FRMPD4: variants seen among roughly 807,000 people sequenced by gnomAD.
The protein encoded by FRMPD4 is FERM and PDZ domain containing 4.
A neutral mutation model predicts 94.1 loss-of-function variants in FRMPD4; 22 were observed. The observed-to-expected ratio is 0.23, with a 90% CI of 0.17 to 0.33. FRMPD4 has a LOEUF of 0.33. Among genes scored for constraint, FRMPD4 ranks in the 10% least tolerant of loss-of-function variants. The pLI is 1.00. For synonymous variants in FRMPD4, 631 were observed against 548.6 expected (o/e 1.15, Z -2.10); for missense variants, 1,111 against 1,339.9 (o/e 0.83, Z 2.67).
At chrX:12,629,068 A>T (rs1427737933) in intron 4 of FRMPD4, among the ~76,000 whole-genome samples, 1 of 112,063 alleles carries the variant, frequency 8.9e-6, no homozygotes, top group Admixed American at 9.5e-5. Context: ...AACTGCCCTC[A>T]TGATTCAATT....
chrX:12,051,342 A>G (rs768620838), intron 3 of FRMPD4, among the ~76,000 whole-genome samples: 41 of 111,819 alleles, frequency 3.7e-4, no homozygotes, highest in African/African-American at 1.3e-3. Flanking sequence ...CGGAAACATT[A>G]CTACATGAGG....
intron 1 of FRMPD4, among the ~76,000 whole-genome samples, chrX:12,393,731 A>G (rs911265934): frequency 8.9e-6 from 1 of 112,344 alleles, no homozygotes; most frequent in African/African-American, 3.2e-5. Context: ...GTCTCCAAAA[A>G]AATTGGGAAT....
chrX:12,583,974 C>G (rs2058896112), intron 2 of FRMPD4, among the ~76,000 whole-genome samples: 1 of 111,804 alleles, frequency 8.9e-6, no homozygotes, highest in Non-Finnish European at 1.9e-5. Flanking sequence ...CGTATCCCCT[C>G]GGCCCTAAGG....
At chrX:12,292,805 A>G (rs777302992) in intron 1 of FRMPD4, among the ~76,000 whole-genome samples, 13 of 111,537 alleles carry the variant, frequency 1.2e-4, no homozygotes, top group Non-Finnish European at 2.1e-4. Flanking sequence ...AAAATATTGA[A>G]TGATCTGTCA....
At chrX:12,640,204 C>A (rs1395512486) in intron 4 of FRMPD4, among the ~76,000 whole-genome samples, 1 of 101,833 alleles carries the variant, frequency 9.8e-6, no homozygotes, top group Non-Finnish European at 2.0e-5. Context: ...GAGGCTGAGG[C>A]ACGAGAATTG....
intron 1 of FRMPD4, among the ~76,000 whole-genome samples, chrX:12,384,591 G>A (rs1030326103): frequency 2.7e-5 from 3 of 111,787 alleles, no homozygotes; most frequent in Non-Finnish European, 3.8e-5. Context: ...CTGGCAGACC[G>A]CTGTATCCCT....
At chrX:12,465,278 T>A (rs946808302) in intron 1 of FRMPD4, among the ~76,000 whole-genome samples, 2 of 112,133 alleles carry the variant, frequency 1.8e-5, no homozygotes, top group Admixed American at 1.9e-4. Context: ...CATTTCTTTG[T>A]CAGAATCTCC....
At chrX:12,185,120 A>G in intron 1 of FRMPD4, among the ~76,000 whole-genome samples, 1 of 111,680 alleles carries the variant, frequency 9.0e-6, no homozygotes, top group Middle Eastern at 4.2e-3. Context: ...AAGTATAGAT[A>G]CCTACTGTGT....
intron 1 of FRMPD4, among the ~76,000 whole-genome samples, chrX:12,404,735 T>C (rs971215461): frequency 2.7e-5 from 3 of 111,823 alleles, no homozygotes; most frequent in African/African-American, 9.7e-5. Context: ...GGGGTAAATA[T>C]ACTTTTTTTA....
chrX:12,528,325 T>G (rs377452575), intron 2 of FRMPD4, among the ~76,000 whole-genome samples: 62 of 98,870 alleles, frequency 6.3e-4, no homozygotes, highest in Middle Eastern at 4.9e-3. Context: ...TTTTGTTTTT[T>G]TTTTTTTTTT....
chrX:12,246,541 T>C (rs1268287283), intron 1 of FRMPD4, among the ~76,000 whole-genome samples: 1 of 112,033 alleles, frequency 8.9e-6, no homozygotes, highest in African/African-American at 3.2e-5. Context: ...TTCCTTGAAA[T>C]TGGAGTAAGA....
chrX:12,423,949 CAAGAA>C (rs1005045060), intron 1 of FRMPD4, among the ~76,000 whole-genome samples: 1 of 110,138 alleles, frequency 9.1e-6, no homozygotes, highest in African/African-American at 3.3e-5. Flanking sequence ...AAGTATAAAA[CAAGAA>C]AAGAAAAAAG....
At position 12,034,635 on chromosome X, in the gene FRMPD4, A is replaced by G. The variant is rs913813667; in HGVS notation, c.95+156617A>G. Among the ~76,000 whole-genome samples the G allele has an allele frequency of 7.2e-5, 8 of 111,840 alleles. No homozygotes were observed. In the Admixed American group the frequency reaches 7.6e-4, roughly 11 times the overall value. On this transcript the variant is annotated intron_variant, in intron 3 of 18. Coordinates refer to the FRMPD4 transcript ENST00000640291. The stretch of plus-strand genomic sequence containing the variant: ...GCAGGAACTATGATACAGCTAGACC[A>G]TTCGTTTCCAGTCTTTTCGGTTTTT...
intron 3 of FRMPD4, among the ~76,000 whole-genome samples, chrX:11,884,502 G>GTGTGTGTATATATGTGTA (rs1430145023): frequency 1.8e-5 from 2 of 111,171 alleles, no homozygotes; most frequent in Non-Finnish European, 3.8e-5. Context: ...TTTTTCTAAT[G>GTGTGTGTATATATGTGTA]TGTGTGTATA....
At chrX:12,095,715 C>G (rs1309116305) in intron 3 of FRMPD4, among the ~76,000 whole-genome samples, 1 of 112,222 alleles carries the variant, frequency 8.9e-6, no homozygotes, top group African/African-American at 3.2e-5. Context: ...TTCTAAGTAG[C>G]CACACAGAAA....
chrX:12,284,936 T>C (rs1305002399), intron 1 of FRMPD4, among the ~76,000 whole-genome samples: 2 of 111,970 alleles, frequency 1.8e-5, no homozygotes, highest in Non-Finnish European at 3.8e-5. Flanking sequence ...CATGGGAGTA[T>C]TGGGAGGACT....
intron 1 of FRMPD4, among the ~76,000 whole-genome samples, chrX:12,450,750 C>T (rs148112537): frequency 7.9e-4 from 85 of 108,250 alleles, no homozygotes; most frequent in African/African-American, 2.7e-3. Context: ...AACATGTAAC[C>T]ATCTACTAAA....
At chrX:11,866,229 G>C (rs975312489) in intron 2 of FRMPD4, among the ~76,000 whole-genome samples, 10 of 112,085 alleles carry the variant, frequency 8.9e-5, no homozygotes, top group African/African-American at 2.9e-4. Context: ...CAAGTAAACA[G>C]TATAGGTTTC....
intron 2 of FRMPD4, among the ~76,000 whole-genome samples, chrX:12,556,441 A>G (rs148168916): frequency 9.2e-4 from 102 of 111,383 alleles, no homozygotes; most frequent in African/African-American, 3.3e-3. Context: ...GGTGGACTCT[A>G]AGAGCTGAGG....
Sources: allele counts gnomAD v4.1 joint callset (sites outside exome capture counted in the v4.1 genomes callset), GRCh38; gene constraint gnomAD v4.1.1; transcripts MANE v1.5; gene names NCBI Gene and HGNC (gene_info 2026-07-23, HGNC 2026-07-21).